UROS: variants seen among roughly 807,000 people sequenced by gnomAD.
UROS encodes uroporphyrinogen III synthase.
UROS carries 18 observed loss-of-function variants against 33.0 expected under a neutral mutation model. The observed-to-expected ratio is 0.55, with a 90% confidence interval of 0.38 to 0.81. UROS has a LOEUF of 0.81. UROS is among the 30% of genes least tolerant of loss of function. UROS has a pLI of 0.00. For missense variants in UROS, 293 were observed against 314.9 expected, an observed-to-expected ratio of 0.93 and a Z score of 0.53; for synonymous variants, 114 against 121.1, an observed-to-expected ratio of 0.94 and a Z score of 0.38.
intron 6 of UROS, among the ~76,000 whole-genome samples, chr10:125,803,964 A>G (rs1332957863): frequency 6.6e-6 from 1 of 152,236 alleles, no homozygotes; most frequent in Non-Finnish European, 1.5e-5. Context: ...ACACCCTGAC[A>G]TGACACTGTG....
rs375939793 is a variant in UROS at position 125,815,134 on chromosome 10, C to A, written c.148-4G>T. On this transcript the variant is annotated splice_polypyrimidine_tract_variant and splice_region_variant and intron_variant, in intron 3 of 9. Coordinates refer to ENST00000368797, the MANE Select transcript of UROS (RefSeq NM_000375.3). Reference sequence around the variant, plus strand: ...CGTAATCTTCAGGATGAGAAAGCTGCACACCAAAAAGCAATAAAGACATTT... The same window carrying A: ...CGTAATCTTCAGGATGAGAAAGCTGAACACCAAAAAGCAATAAAGACATTT... 92 of 1,614,068 alleles carry A rather than the reference C, an allele frequency of 5.7e-5. No homozygotes were observed. Among genetic ancestry groups the A allele is most frequent in the East Asian group, 3.3e-4 (15 of 44,888 alleles).
intron 3 of UROS, 33 bp from the exon 4 acceptor site, chr10:125,815,163 A>G (rs757525136): frequency 1.2e-6 from 2 of 1,609,652 alleles, no homozygotes; most frequent in East Asian, 4.5e-5. Flanking sequence ...GACATTTTAT[A>G]CGATGGCTAT....
At position 125,788,615 on chromosome 10, in the gene UROS, T is replaced by TCC. The variant is rs1239222096; in HGVS notation, c.*251_*252dup. ...GGTAGTCAGTGTGGTTTATTTGACTTCCTTCCTGCTGGGCACAGGAAGCTC... is the reference window on the plus strand; with the variant it reads ...GGTAGTCAGTGTGGTTTATTTGACTTCCCCTTCCTGCTGGGCACAGGAAGCTC... On this transcript the variant is annotated 3_prime_UTR_variant, in exon 10 of 10. Transcript: ENST00000368797. The TCC allele has an allele frequency of 5.0e-6, 7 of 1,400,494 alleles. No individual in the cohort carries two copies. In the Admixed American group the frequency reaches 2.1e-4, roughly 41 times the overall value. The allele number at this position is 1,400,494 out of a possible 1,614,324, so 86.8% of individuals were successfully genotyped here.
chr10:125,804,603 C>T (rs768371398), intron 6 of UROS, among the ~76,000 whole-genome samples: 1 of 152,112 alleles, frequency 6.6e-6, no homozygotes, highest in Non-Finnish European at 1.5e-5. Flanking sequence ...TAAGACTGAG[C>T]CCTTAAAGCT....
rs121908012 is a variant in UROS at position 125,815,061 on chromosome 10, A to C, written c.217T>G (p.Cys73Gly). Residue 73 changes from cysteine to glycine, a missense_variant, in exon 4 of 10, where the codon TGT (cysteine) becomes GGT (glycine). Coordinates refer to ENST00000368797, the MANE Select transcript of UROS (RefSeq NM_000375.3). ...TCAGTTTTATTGTTTTGCTCCAAAC[A>C]TAACTCTGCTGCTTCCACTGCTCTG... ...SPRAVEAAEL[C>G]LEQNNKTEVW... The C allele has an allele frequency of 6.2e-7, 1 of 1,614,222 alleles. No individual in the cohort carries two copies. Among genetic ancestry groups the C allele is most frequent in the East Asian group, 2.2e-5 (1 of 44,890 alleles).
chr10:125,793,958 C>T (rs1283967717), intron 9 of UROS: 1 of 152,176 alleles, frequency 6.6e-6, no homozygotes, highest in Non-Finnish European at 1.5e-5. Context: ...GTTGTTTCAC[C>T]TCTCTAGCCC....
At chr10:125,816,937 T>A (rs1349712241) in intron 1 of UROS, among the ~76,000 whole-genome samples, 1 of 152,242 alleles carries the variant, frequency 6.6e-6, no homozygotes, top group Non-Finnish European at 1.5e-5. Context: ...CTTTGGGAAA[T>A]AATTATATTG....
intron 8 of UROS, 173 bp from the exon 9 acceptor site, chr10:125,795,151 G>C (rs571724317): frequency 4.5e-6 from 3 of 671,852 alleles, no homozygotes; most frequent in Non-Finnish European, 8.1e-6. Context: ...CAGGATTCTG[G>C]TAGGGAACTG....
chr10:125,817,671 G>A (rs1456828486), intron 1 of UROS, among the ~76,000 whole-genome samples: 1 of 152,010 alleles, frequency 6.6e-6, no homozygotes, highest in Non-Finnish European at 1.5e-5. Flanking sequence ...TATTCTAAGA[G>A]CTTCACATGC....
At chr10:125,795,349 C>T (rs1851266759) in intron 8 of UROS, 2 of 306,808 alleles carry the variant, frequency 6.5e-6, no homozygotes, top group Non-Finnish European at 1.2e-5. Flanking sequence ...TGTCAATGCT[C>T]CCTCCCTCTG....
In UROS at chr10:125,823,231, C is replaced by G. The variant is rs1161716271; in HGVS notation, c.-229G>C. 3.3e-5 allele frequency: 8 copies of G among 238,920 alleles called. No homozygotes were observed. Among genetic ancestry groups the G allele is most frequent in the Non-Finnish European group, 3.3e-5 (4 of 122,974 alleles). The allele number at this position is 238,920 out of a possible 1,614,324, so 14.8% of individuals were successfully genotyped here. On this transcript the variant is annotated 5_prime_UTR_variant, in exon 1 of 10. Coordinates refer to ENST00000368797, the MANE Select transcript of UROS (RefSeq NM_000375.3). ...CCTCAGACTGGGGTCGCGTGGGTGG[C>G]TGCGCGCAGCTAGGCGCTCGCGCAT...
downstream of UROS, among the ~76,000 whole-genome samples, chr10:125,786,958 G>A (rs1403347558): frequency 2.0e-5 from 3 of 152,178 alleles, no homozygotes; most frequent in African/African-American, 4.8e-5. Context: ...CCAGGCTCCC[G>A]ACTCACGCAA....
intron 6 of UROS, chr10:125,803,011 T>C (rs1336047953): frequency 1.2e-6 from 2 of 1,612,800 alleles, no homozygotes; most frequent in African/African-American, 2.7e-5. Flanking sequence ...AAAAGATTCC[T>C]TTGACTTCTT....
downstream of UROS, chr10:125,785,015 CG>C (rs1850604754): frequency 2.0e-5 from 3 of 152,212 alleles, no homozygotes; most frequent in African/African-American, 7.2e-5. Flanking sequence ...AACTCGGAAA[CG>C]GTTTATCTTG....
intron 1 of UROS, among the ~76,000 whole-genome samples, chr10:125,818,227 A>G (rs574668899): frequency 6.6e-6 from 1 of 152,356 alleles, no homozygotes; most frequent in East Asian, 1.9e-4. Flanking sequence ...CATGCCTGGT[A>G]ATCTCAGCAC....
intron 1 of UROS, among the ~76,000 whole-genome samples, chr10:125,821,224 T>C (rs990630784): frequency 3.3e-5 from 5 of 152,212 alleles, no homozygotes; most frequent in African/African-American, 1.2e-4. Context: ...AGCTAAAATG[T>C]AGAAGTAACC....
chr10:125,813,647 T>C (rs905340815), intron 4 of UROS, among the ~76,000 whole-genome samples: 15 of 152,046 alleles, frequency 9.9e-5, no homozygotes, highest in African/African-American at 3.4e-4. Context: ...CCAGCTAACT[T>C]TCGTATTTTT....
intron 6 of UROS, chr10:125,803,104 A>G (rs1851979745): frequency 1.9e-6 from 3 of 1,600,582 alleles, no homozygotes. Context: ...AGACAGGAAG[A>G]GCTTTGGAGT....
intron 6 of UROS, among the ~76,000 whole-genome samples, chr10:125,803,725 T>G (rs1220496795): frequency 6.6e-6 from 1 of 152,170 alleles, no homozygotes; most frequent in African/African-American, 2.4e-5. Context: ...GCCTCAGGGC[T>G]CCGGTCAACT....
Sources: allele counts gnomAD v4.1 joint callset (sites outside exome capture counted in the v4.1 genomes callset), GRCh38; gene constraint gnomAD v4.1.1; transcripts MANE v1.5; gene names NCBI Gene and HGNC (gene_info 2026-07-23, HGNC 2026-07-21).